The following PARD3B variants were observed in gnomAD, a reference collection of about 807,000 sequenced individuals.
PARD3B encodes the protein par-3 family cell polarity regulator beta.
In PARD3B, 103 loss-of-function variants were observed where a neutral mutation model predicts 130.2. The observed-to-expected ratio is 0.79, with a 90% CI of 0.67 to 0.93. The LOEUF is 0.93. PARD3B is among the 40% of genes least tolerant of loss of function. The pLI is 0.00. For missense variants in PARD3B, 1,609 were observed against 1,499.2 expected, an observed-to-expected ratio of 1.07 and a Z score of -1.21; for synonymous variants, 583 against 553.2, an observed-to-expected ratio of 1.05 and a Z score of -0.76.
At chr2:205,012,660 T>G (rs1695809499) in intron 3 of PARD3B, among the ~76,000 whole-genome samples, 1 of 152,244 alleles carries the variant, frequency 6.6e-6, no homozygotes, top group African/African-American at 2.4e-5. Flanking sequence ...ACTTGATAGC[T>G]TAACGCATAC....
chr2:204,951,607 A>C (rs1415280087), intron 2 of PARD3B, among the ~76,000 whole-genome samples: 1 of 152,210 alleles, frequency 6.6e-6, no homozygotes, highest in Admixed American at 6.5e-5. Context: ...GAGAGAACCC[A>C]TGTTTCCTGA....
chr2:204,972,704 T>A (rs1006379960), intron 3 of PARD3B, among the ~76,000 whole-genome samples: 2 of 152,182 alleles, frequency 1.3e-5, no homozygotes, highest in Non-Finnish European at 2.9e-5. Context: ...TCTAAGTTGA[T>A]TATGTGACCT....
rs1396142688 is a variant in PARD3B, at chr2:205,589,957, G to A, written c.3261-25499G>A. Among the ~76,000 whole-genome samples, 1 of 152,040 alleles carries A rather than the reference G, an allele frequency of 6.6e-6. No homozygotes were observed. The highest frequency in any genetic ancestry group is 1.5e-5 in the Non-Finnish European group (1 of 68,020). ...CTGGAAATGTTGAAAGCTGTATCAA[G>A]CTGAAGAAGCATAAGCTGCAACAAA... On this transcript the variant is annotated intron_variant, in intron 22 of 22. Coordinates refer to ENST00000406610, the MANE Select transcript of PARD3B (RefSeq NM_001302769.2). The surrounding 1 kb of genome is among the most constrained non-coding windows in gnomAD (Gnocchi z 4.1).
chr2:204,653,203 T>C (rs1345994171), intron 1 of PARD3B, among the ~76,000 whole-genome samples: 1 of 150,454 alleles, frequency 6.6e-6, no homozygotes, highest in African/African-American at 2.5e-5. Context: ...AAATAATCTG[T>C]AAATGAAACC....
In PARD3B at chr2:205,300,073, A is replaced by G. The variant is rs2041940397; in HGVS notation, c.2186-457A>G. ...AAAAGCTGTCAGGTGTGGGAGTGCTAGGACGATACTGGAAGAGAAGCTCTC... is the reference window on the plus strand; with the variant it reads ...AAAAGCTGTCAGGTGTGGGAGTGCTGGGACGATACTGGAAGAGAAGCTCTC... On this transcript the variant is annotated intron_variant, in intron 16 of 22. Transcript: ENST00000406610. This position sits in a 1 kb window ranked among gnomAD's most constrained non-coding sequence, Gnocchi z 4.1. Among the ~76,000 whole-genome samples the G allele has an allele frequency of 1.3e-5, 2 of 152,204 alleles. No homozygotes were observed. The highest frequency in any genetic ancestry group is 2.9e-5 in the Non-Finnish European group (2 of 68,030).
chr2:205,486,927 A>T lies in PARD3B; in HGVS notation c.3045-12969A>T, dbSNP rs540830783. ...TCTCAGAGTAGCATATGGACGTAAA[A>T]GGAATGAAAAGAATGTAGGTGATAT... On this transcript the variant is annotated intron_variant, in intron 20 of 22. Transcript: ENST00000406610. Among the ~76,000 whole-genome samples the T allele has an allele frequency of 3.3e-5, 5 of 152,332 alleles. No homozygotes were observed. In the South Asian group the frequency reaches 8.3e-4, roughly 25 times the overall value.
Position 205,440,585 on chromosome 2 carries a change from G to A in PARD3B, c.2957G>A (p.Gly986Asp). The A allele has an allele frequency of 6.2e-7, 1 of 1,613,992 alleles. No individual in the cohort carries two copies. The highest frequency in any genetic ancestry group is 8.5e-7 in the Non-Finnish European group (1 of 1,179,924). The change falls in exon 20 of 23, where the codon GGC becomes GAC. Residue 986 changes from glycine (G) to aspartate (D), a missense_variant. Gly to Asp is a moderately conservative substitution (Grantham distance 94). Transcript: ENST00000406610. The surrounding 1 kb of genome is among the most constrained non-coding windows in gnomAD (Gnocchi z 4.2). Reference sequence around the variant, plus strand: ...GGACCATTTGGTTACCCTCGGGATGGCCATCCACTGTCTCCAGAAAGAGAC... The same window carrying A: ...GGACCATTTGGTTACCCTCGGGATGACCATCCACTGTCTCCAGAAAGAGAC... ...RAGPFGYPRD[G>D]HPLSPERDHL...
chr2:205,485,598 G>A (rs571741083), intron 20 of PARD3B, among the ~76,000 whole-genome samples: 1 of 152,262 alleles, frequency 6.6e-6, no homozygotes, highest in African/African-American at 2.4e-5. Flanking sequence ...TTGATATGAA[G>A]CAGAACTCTG....
intron 18 of PARD3B, among the ~76,000 whole-genome samples, chr2:205,389,902 A>T (rs2045790970): frequency 6.6e-6 from 1 of 152,230 alleles, no homozygotes; most frequent in Non-Finnish European, 1.5e-5. Flanking sequence ...AATAAATTTG[A>T]GTTCTGTTGA....
intron 18 of PARD3B, among the ~76,000 whole-genome samples, chr2:205,327,534 C>T (rs938411040): frequency 6.6e-6 from 1 of 152,150 alleles, no homozygotes; most frequent in Non-Finnish European, 1.5e-5. Context: ...GAAGCTGAAA[C>T]ATAAAAAGAT....
In PARD3B at chr2:205,176,891, T is replaced by C. The variant is rs2035503980; in HGVS notation, c.1924+314T>C. ...TGTTATTTTTAAGCTCTTCTAATAC[T>C]GGAAGTTACCAAGTATAAATAAATA... is the stretch of plus-strand genomic sequence containing the variant. On this transcript the variant is annotated intron_variant, in intron 13 of 22. Coordinates refer to ENST00000406610, the MANE Select transcript of PARD3B (RefSeq NM_001302769.2). The surrounding 1 kb of genome is among the most constrained non-coding windows in gnomAD (Gnocchi z 5.3). 6.6e-6 allele frequency among the ~76,000 whole-genome samples: 1 copy of C among 152,188 alleles called. No homozygotes were observed. The highest frequency in any genetic ancestry group is 2.1e-4 in the South Asian group (1 of 4,828).
chr2:205,250,067 T>C (rs577080525), intron 16 of PARD3B, among the ~76,000 whole-genome samples: 3 of 152,166 alleles, frequency 2.0e-5, no homozygotes, highest in Non-Finnish European at 4.4e-5. Context: ...TTTTTATTGT[T>C]ATGCTTTAAT....
chr2:205,498,045 A>ACACACACAC (rs1559149195), intron 20 of PARD3B, among the ~76,000 whole-genome samples: 4 of 151,206 alleles, frequency 2.6e-5, no homozygotes, highest in South Asian at 2.1e-4. Flanking sequence ...ACACACACAC[A>ACACACACAC]AAGAATTTGC....
chr2:204,886,162 A>G lies in PARD3B; in HGVS notation c.223-78990A>G, dbSNP rs113060511. Among the ~76,000 whole-genome samples the G allele has an allele frequency of 1.4e-4, 22 of 152,374 alleles. 2 individuals carry two copies. Among genetic ancestry groups the G allele is most frequent in the African/African-American group, 4.8e-4 (20 of 41,594 alleles). ...AAGCTGAGTCAACTATCAAAGAAGA[A>G]AAGACTCGGTCATCTAGTGGATCTT... On this transcript the variant is annotated intron_variant, in intron 2 of 22. Coordinates refer to ENST00000406610, the MANE Select transcript of PARD3B (RefSeq NM_001302769.2).
Position 205,400,133 on chromosome 2 carries a change from A to G in PARD3B, c.2631-880A>G, listed in dbSNP as rs114108107. On this transcript the variant is annotated intron_variant, in intron 18 of 22. Transcript: ENST00000406610. ...GGAGCTCGGGAAGCCTGCTTAGGAG[A>G]TTGATAAGCTTTTATTTATATATTA... 6.4e-3 allele frequency among the ~76,000 whole-genome samples: 980 copies of G among 152,238 alleles called. 5 individuals carry two copies. The highest frequency in any genetic ancestry group is 0.022 in the African/African-American group (916 of 41,538).
chr2:205,143,365 A>G (rs921238315), intron 10 of PARD3B, among the ~76,000 whole-genome samples: 4 of 152,212 alleles, frequency 2.6e-5, no homozygotes, highest in Non-Finnish European at 5.9e-5. Flanking sequence ...TTCCTTAGGC[A>G]TGAACTGAAC....
intron 2 of PARD3B, among the ~76,000 whole-genome samples, chr2:204,722,493 G>T (rs9653255): frequency 0.018 from 2,748 of 152,260 alleles, 67 homozygotes; most frequent in African/African-American, 0.062. Flanking sequence ...GAATAATCAT[G>T]TTGGTTACCA....
chr2:205,388,359 A>T (rs1430735700), intron 18 of PARD3B, among the ~76,000 whole-genome samples: 2 of 152,230 alleles, frequency 1.3e-5, no homozygotes. Flanking sequence ...AACAAAATAC[A>T]CTTACATAGC....
intron 16 of PARD3B, among the ~76,000 whole-genome samples, chr2:205,251,996 AAT>A (rs1186396421): frequency 6.6e-6 from 1 of 152,174 alleles, no homozygotes; most frequent in Non-Finnish European, 1.5e-5. Flanking sequence ...AGAAGTTAGC[AAT>A]ATGTCTAGCG....
Sources: allele counts gnomAD v4.1 joint callset (sites outside exome capture counted in the v4.1 genomes callset), GRCh38; gene constraint gnomAD v4.1.1; non-coding constraint Gnocchi (gnomAD v3.1); transcripts MANE v1.5; gene names NCBI Gene and HGNC (gene_info 2026-07-23, HGNC 2026-07-21).